Variants in CIITA observed in about 807,000 individuals in gnomAD.
The protein encoded by CIITA is class II major histocompatibility complex transactivator.
Under a neutral mutation model 115.1 loss-of-function variants are expected in CIITA, and 72 were observed. The observed-to-expected ratio is 0.63, with a 90% CI of 0.52 to 0.76. The LOEUF is 0.76. Ranked by LOEUF, CIITA falls within the 30% of genes least tolerant of loss-of-function variation. The probability of loss-of-function intolerance (pLI) is 0.00; values close to 1 mark genes in which losing one functional copy is unlikely to be tolerated. For synonymous variants in CIITA, 763 were observed against 635.6 expected (o/e 1.20, Z -3.02); for missense variants, 1,617 against 1,463.8 (o/e 1.10, Z -1.71).
At chr16:10,903,006 C>T (rs1436669074) in intron 8 of CIITA, among the ~76,000 whole-genome samples, 1 of 152,204 alleles carries the variant, frequency 6.6e-6, no homozygotes, top group Non-Finnish European at 1.5e-5. Flanking sequence ...GGGTGCATGA[C>T]CAAGAGTGGT....
chr16:10,941,645 G>C lies in CIITA; in HGVS notation n.771G>C. On this transcript the variant is annotated non_coding_transcript_exon_variant, in exon 2 of 2. Transcript: ENST00000573379. The surrounding 1 kb of genome is among the most constrained non-coding windows in gnomAD (Gnocchi z 6.4). ...ATGGTGCCCCCAACCAGCTGCGGCG[G>C]CATGATCTGGGCGGCTGGTCCAGGG... 4 of 1,530,932 alleles carry C rather than the reference G, an allele frequency of 2.6e-6. No individual in the cohort carries two copies. Among genetic ancestry groups the C allele is most frequent in the Non-Finnish European group, 3.5e-6 (4 of 1,138,262 alleles). The allele number at this position is 1,530,932 out of a possible 1,614,324, so 94.8% of individuals were successfully genotyped here. A position where few individuals can be genotyped will look rare whatever the true frequency, so the allele number is the denominator to read the frequency against.
chr16:10,877,248 C>G lies in CIITA; in HGVS notation c.-83C>G. Reference sequence around the variant, plus strand: ...GCTGTGTGCTTCTGAGCTGGGCATCCGAAGGCATCCTTGGGGAAGCTGAGG... The same window carrying G: ...GCTGTGTGCTTCTGAGCTGGGCATCGGAAGGCATCCTTGGGGAAGCTGAGG... On this transcript the variant is annotated 5_prime_UTR_variant, in exon 1 of 20. Coordinates refer to ENST00000324288, the MANE Select transcript of CIITA (RefSeq NM_000246.4). 1.5e-6 allele frequency: 2 copies of G among 1,309,750 alleles called. No individual in the cohort carries two copies. Among genetic ancestry groups the G allele is most frequent in the Admixed American group, 1.9e-5 (1 of 52,792 alleles). 81.1% of individuals were successfully genotyped at this position (1,309,750 alleles called of 1,614,324 possible).
intron 15 of CIITA, 66 bp from the exon 16 acceptor site, chr16:10,918,374 T>G: frequency 1.5e-6 from 2 of 1,372,222 alleles, no homozygotes; most frequent in African/African-American, 2.9e-5. Flanking sequence ...CCCAGAACTC[T>G]CCTTGAGGTC....
Position 10,907,497 on chromosome 16 carries a change from C to T in CIITA, c.2005C>T (p.Arg669Cys), listed in dbSNP as rs375474357. The change falls in exon 11 of 20, where the codon CGC (arginine) becomes TGC (cysteine). Residue 669 changes from arginine (R) to cysteine (C), a missense_variant. Physicochemically the swap from Arg to Cys is radical, Grantham distance 180 (BLOSUM62 -3). Coordinates refer to ENST00000324288, the MANE Select transcript of CIITA (RefSeq NM_000246.4). The surrounding 1 kb of genome is among the most constrained non-coding windows in gnomAD (Gnocchi z 5.0). ...ELAKLAWELG[R>C]RHQSTLQEDQ... ...GGCCAAGCTGGCCTGGGAGCTGGGC[C>T]GCAGACATCAAAGTACCCTACAGGA... 7.4e-6 allele frequency: 12 copies of T among 1,613,736 alleles called. No individual in the cohort carries two copies. In the African/African-American group the frequency reaches 1.1e-4, roughly 14 times the overall value.
At chr16:10,872,136 TG>T (rs569741276) in intron 1 of CIITA, among the ~76,000 whole-genome samples, 5 of 152,010 alleles carry the variant, frequency 3.3e-5, no homozygotes, top group African/African-American at 1.2e-4. Context: ...TTTTTTTGGG[TG>T]GGGGGGACAC....
chr16:10,873,377 T>G (rs1236015292), upstream of CIITA, among the ~76,000 whole-genome samples: 1 of 152,220 alleles, frequency 6.6e-6, no homozygotes, highest in Non-Finnish European at 1.5e-5. Context: ...GTAGCAGAGA[T>G]GATGCTTATG....
rs756514462 is a variant in CIITA at position 10,903,870 on chromosome 16, C to G, written c.912C>G (p.Ala304=). 1.4e-5 allele frequency: 23 copies of G among 1,614,212 alleles called. No homozygotes were observed. In the South Asian group the frequency reaches 2.4e-4, roughly 17 times the overall value. Residue 304 remains alanine (A), a synonymous_variant, in exon 9 of 20, where the codon GCC becomes GCG. Coordinates refer to ENST00000324288, the MANE Select transcript of CIITA (RefSeq NM_000246.4). ...ATDLPSMPEP[A]LTSRANMTEH... ...ACCTGCCCAGCATGCCTGAACCTGC[C>G]CTGACCTCCCGAGCAAACATGACAG...
chr16:10,914,637 T>A (rs1486392706), intron 13 of CIITA, among the ~76,000 whole-genome samples: 1 of 152,188 alleles, frequency 6.6e-6, no homozygotes, highest in African/African-American at 2.4e-5. Context: ...ATTTTTCTCA[T>A]CCCCTTGAAG....
chr16:10,904,030 G>A lies in CIITA; in HGVS notation c.937+135G>A, dbSNP rs552848558. ...TCATGTTTAGGGGTCAGTCGGGACA[G>A]GGAGGGTCTCCAGGGAGTGGAGGCA... On this transcript the variant is annotated intron_variant, in intron 9 of 19. Coordinates refer to ENST00000324288, the MANE Select transcript of CIITA (RefSeq NM_000246.4). 3.4e-6 allele frequency: 4 copies of A among 1,188,102 alleles called. No individual in the cohort carries two copies. The South Asian group carries it at 3.8e-5, about 11-fold the overall frequency. 73.6% of individuals were successfully genotyped at this position (1,188,102 alleles called of 1,614,324 possible).
intron 9 of CIITA, among the ~76,000 whole-genome samples, chr16:10,904,154 T>C (rs1411346678): frequency 1.3e-5 from 2 of 152,198 alleles, no homozygotes; most frequent in Non-Finnish European, 2.9e-5. Context: ...CCAGACAATG[T>C]GGTCAGATCT....
rs934908149 is a variant in CIITA, at chr16:10,930,286, G to C, written c.*6431G>C. ...CTCGCAGAACTTGTATGTTAAACAT[G>C]TGACATGTATTGTTGTTTGACAGGG... On this transcript the variant is annotated 3_prime_UTR_variant, in exon 20 of 20. Transcript: ENST00000324288. 3 of 152,254 alleles carry C rather than the reference G, an allele frequency of 2.0e-5. No homozygotes were observed. The highest frequency in any genetic ancestry group is 7.2e-5 in the African/African-American group (3 of 41,438). The allele number at this position is 152,254 out of a possible 1,614,324, so 9.4% of individuals were successfully genotyped here. A position where few individuals can be genotyped will look rare whatever the true frequency, so the allele number is the denominator to read the frequency against.
intron 15 of CIITA, 76 bp from the exon 16 acceptor site, chr16:10,918,364 C>T: frequency 7.8e-7 from 1 of 1,283,712 alleles, no homozygotes; most frequent in Non-Finnish European, 1.1e-6. Flanking sequence ...CAGCCTATGA[C>T]CCAGAACTCT....
chr16:10,872,635 G>A (rs545637339), upstream of CIITA, among the ~76,000 whole-genome samples: 14 of 152,302 alleles, frequency 9.2e-5, no homozygotes, highest in South Asian at 2.9e-3. Flanking sequence ...TCCATCAGCA[G>A]GTCCAGGTTC....
chr16:10,935,576 T>A lies in CIITA; in HGVS notation c.*11721T>A, dbSNP rs1376375677. On this transcript the variant is annotated 3_prime_UTR_variant, in exon 20 of 20. Transcript: ENST00000324288. ...GAAGCACTAAAACTAGTGCATTTCA[T>A]CTTAAACTGCAAATTATAAAGGGAA... The A allele has an allele frequency of 6.6e-6, 1 of 152,212 alleles. No homozygotes were observed. Among genetic ancestry groups the A allele is most frequent in the African/African-American group, 2.4e-5 (1 of 41,442 alleles). The allele number at this position is 152,212 out of a possible 1,614,324, so 9.4% of individuals were successfully genotyped here.
Position 10,907,247 on chromosome 16 carries a change from A to G in CIITA, c.1755A>G (p.Ser585=). The G allele has an allele frequency of 1.2e-6, 2 of 1,613,362 alleles. No homozygotes were observed. Among genetic ancestry groups the G allele is most frequent in the South Asian group, 1.1e-5 (1 of 91,080 alleles). Residue 585 remains serine (S), a synonymous_variant, in exon 11 of 20, where the codon TCA becomes TCG. Transcript: ENST00000324288. This position sits in a 1 kb window ranked among gnomAD's most constrained non-coding sequence, Gnocchi z 5.0. ...QAYVMRYFES[S]GMTEHQDRAL... is the part of the protein sequence containing the mutation. ...ACGTGATGCGCTACTTTGAGAGCTC[A>G]GGGATGACAGAGCACCAAGACAGAG...
intron 1 of CIITA, among the ~76,000 whole-genome samples, chr16:10,890,550 G>C (rs561609228): frequency 2.8e-4 from 42 of 152,344 alleles, no homozygotes; most frequent in Middle Eastern, 3.4e-3. Context: ...GACTCCCAAA[G>C]TGCTGGAATT....
intron 3 of CIITA, 74 bp downstream of exon 3, chr16:10,895,838 C>A: frequency 7.1e-7 from 1 of 1,418,174 alleles, no homozygotes; most frequent in Non-Finnish European, 9.9e-7. Flanking sequence ...CAATATCACC[C>A]ATTCATCATG....
chr16:10,938,301 T>C (rs776089208), downstream of CIITA: 23 of 151,498 alleles, frequency 1.5e-4, no homozygotes, highest in Non-Finnish European at 3.1e-4. The surrounding 1 kb of genome is among the most constrained non-coding windows in gnomAD (Gnocchi z 4.9). Context: ...ATGACCCTAA[T>C]ACTGCCTCCT....
At chr16:10,900,675 G>T (rs2038646348) in intron 5 of CIITA, among the ~76,000 whole-genome samples, 1 of 151,984 alleles carries the variant, frequency 6.6e-6, no homozygotes, top group Non-Finnish European at 1.5e-5. Flanking sequence ...AAGAAGCAGA[G>T]GTTGCAGTGA....
Sources: gnomAD v4.1 joint callset for allele counts (sites outside exome capture counted in the v4.1 genomes callset) on GRCh38, gnomAD v4.1.1 for gene constraint, Gnocchi (gnomAD v3.1) non-coding constraint, MANE v1.5 for transcripts, NCBI Gene and HGNC (gene_info 2026-07-23, HGNC 2026-07-21) for gene names.